The following MECR variants were observed in gnomAD, a reference collection of about 807,000 sequenced individuals.
The protein encoded by MECR is mitochondrial trans-2-enoyl-CoA reductase.
In MECR, 37 loss-of-function variants were observed where a neutral mutation model predicts 49.1. That is an observed-to-expected ratio of 0.75 (90% confidence interval 0.58 to 0.99). The LOEUF (loss-of-function observed/expected upper bound fraction) is 0.99. Ranked by LOEUF, MECR falls within the 50% of genes least tolerant of loss-of-function variation. The pLI is 0.00. For synonymous variants in MECR, 198 were observed against 191.1 expected (o/e 1.04, Z -0.30); for missense variants, 470 against 479.6 (o/e 0.98, Z 0.19).
At chr1:29,185,366 A>G in the MECR span, among the ~76,000 whole-genome samples, 1 of 152,086 alleles carries the variant, frequency 6.6e-6, no homozygotes, top group Non-Finnish European at 1.5e-5. Flanking sequence ...CTCCTGCCTC[A>G]GCCTCCTGAG....
At chr1:29,181,995 G>C in the MECR span, 3 of 351,136 alleles carry the variant, frequency 8.5e-6, no homozygotes, top group African/African-American at 6.5e-5. Flanking sequence ...GGCCAGGACT[G>C]GGGGAGGAGC....
rs1183556936 is a variant in MECR, at chr1:29,192,869, C to T, written c.*1153G>A. On this transcript the variant is annotated 3_prime_UTR_variant, in exon 10 of 10. Transcript: ENST00000263702. ...CACATATCTTCTTTACAGCATTAGT[C>T]ACTATGGTAATTACTGTGAGATTGT... 6.6e-6 allele frequency: 1 copy of T among 152,054 alleles called. No individual in the cohort carries two copies. Among genetic ancestry groups the T allele is most frequent in the Non-Finnish European group, 1.5e-5 (1 of 68,016 alleles). The allele number at this position is 152,054 out of a possible 1,614,324, so 9.4% of individuals were successfully genotyped here. A position where few individuals can be genotyped will look rare whatever the true frequency, so the allele number is the denominator to read the frequency against.
chr1:29,220,405 GA>G lies in MECR; in HGVS notation c.177-3721del, dbSNP rs1262054402. Among the ~76,000 whole-genome samples the G allele has an allele frequency of 5.3e-5, 8 of 151,718 alleles. No individual in the cohort carries two copies. In the South Asian group the frequency reaches 1.0e-3, roughly 20 times the overall value. ...GACAAAGTGGGACTCCGTCTCAAAA[GA>G]AAAAAAAGTGCCAGTCATTTAGGAA... is the stretch of plus-strand genomic sequence containing the variant. On this transcript the variant is annotated intron_variant, in intron 1 of 9. Transcript: ENST00000263702.
At chr1:29,214,061 CTTTTTTT>C (rs1200557418) in intron 3 of MECR, among the ~76,000 whole-genome samples, 5,479 of 138,524 alleles carry the variant, frequency 0.04, 122 homozygotes, top group Non-Finnish European at 0.06. Flanking sequence ...AATCAACTTT[CTTTTTTT>C]TTTTTTTTTT....
In MECR at chr1:29,200,502, C is replaced by G; in HGVS notation, c.830+14G>C. 1 of 1,610,862 alleles carries G rather than the reference C, an allele frequency of 6.2e-7. No individual in the cohort carries two copies. Among genetic ancestry groups the G allele is most frequent in the South Asian group, 1.1e-5 (1 of 90,948 alleles). ...AGCTCTGGCGAGCTGGACCTGCAGG[C>G]CCAAGGGACTTACGCTAACTGCCGC... On this transcript the variant is annotated intron_variant, in intron 7 of 9. Transcript: ENST00000263702.
chr1:29,189,397 G>GC (rs1228106316), downstream of MECR, among the ~76,000 whole-genome samples: 1 of 66,214 alleles, frequency 1.5e-5, no homozygotes, highest in East Asian at 2.3e-4. Flanking sequence ...GAGATGGGTT[G>GC]GGGGGGGGTC....
At chr1:29,172,529 T>G in the MECR span, 1 of 152,152 alleles carries the variant, frequency 6.6e-6, no homozygotes, top group African/African-American at 2.4e-5. Flanking sequence ...TGACCTCAGG[T>G]GATCCGCCCG....
intron 4 of MECR, among the ~76,000 whole-genome samples, chr1:29,204,188 C>T (rs1675996662): frequency 1.3e-5 from 2 of 152,048 alleles, no homozygotes; most frequent in African/African-American, 4.8e-5. Flanking sequence ...CACTGTACTC[C>T]AGCCTGGGTG....
At chr1:29,171,018 G>T in the MECR span, 1 of 152,216 alleles carries the variant, frequency 6.6e-6, no homozygotes. Flanking sequence ...CAAACTATGG[G>T]CATACAAATT....
intron 4 of MECR, among the ~76,000 whole-genome samples, chr1:29,203,727 C>T (rs985142717): frequency 6.6e-6 from 1 of 152,240 alleles, no homozygotes; most frequent in African/African-American, 2.4e-5. Context: ...GCACATACCA[C>T]GGTCTGCCCC....
At position 29,193,799 on chromosome 1, in the gene MECR, G is replaced by C. The variant is rs528665448; in HGVS notation, c.*223C>G. Reference sequence around the variant, plus strand: ...CCAGTGCACAGTGTTGGTCCTTCTCGACAGGGATGACTTCTACTTTTTGGA... The same window carrying C: ...CCAGTGCACAGTGTTGGTCCTTCTCCACAGGGATGACTTCTACTTTTTGGA... On this transcript the variant is annotated 3_prime_UTR_variant, in exon 10 of 10. Coordinates refer to ENST00000263702, the MANE Select transcript of MECR (RefSeq NM_016011.5). The C allele has an allele frequency of 4.2e-4, 232 of 556,118 alleles. No individual in the cohort carries two copies. The highest frequency in any genetic ancestry group is 3.1e-3 in the African/African-American group (162 of 52,852). The allele number at this position is 556,118 out of a possible 1,614,324, so 34.4% of individuals were successfully genotyped here. A position where few individuals can be genotyped will look rare whatever the true frequency, so the allele number is the denominator to read the frequency against.
chr1:29,196,876 A>G (rs187611545), intron 7 of MECR, among the ~76,000 whole-genome samples: 6 of 152,042 alleles, frequency 3.9e-5, no homozygotes, highest in Non-Finnish European at 5.9e-5. Context: ...GGGCACGGTG[A>G]TACATGCCTG....
At chr1:29,190,940 A>G (rs1450742528), downstream of MECR, among the ~76,000 whole-genome samples, 2 of 152,112 alleles carry the variant, frequency 1.3e-5, no homozygotes, top group East Asian at 3.8e-4. Context: ...ACCCACCTAA[A>G]AGTTGTAGGT....
chr1:29,185,889 TG>T, the MECR span, among the ~76,000 whole-genome samples: 13 of 152,102 alleles, frequency 8.5e-5, no homozygotes, highest in Admixed American at 6.6e-4. Flanking sequence ...GAGGCTGAGA[TG>T]GGGGGGATCT....
chr1:29,207,050 AAAG>A (rs1218943616), intron 3 of MECR, 145 bp from the exon 4 acceptor site: 1 of 817,840 alleles, frequency 1.2e-6, no homozygotes, highest in South Asian at 1.8e-5. Context: ...ATGTTTAGAA[AAAG>A]AAGAAAATCT....
Position 29,193,726 on chromosome 1 carries a change from A to G in MECR, c.*296T>C, listed in dbSNP as rs1673303777. ...TGGTCAGAAAATGATTACTGGGGGA[A>G]CACATGACAGAAAAGCAGGAAGGGG... On this transcript the variant is annotated 3_prime_UTR_variant, in exon 10 of 10. Coordinates refer to ENST00000263702, the MANE Select transcript of MECR (RefSeq NM_016011.5). 3 of 324,068 alleles carry G rather than the reference A, an allele frequency of 9.3e-6. No individual in the cohort carries two copies. The allele number at this position is 324,068 out of a possible 1,614,324, so 20.1% of individuals were successfully genotyped here.
In MECR at chr1:29,201,858, C is replaced by T; in HGVS notation, c.756+85G>A. 1.7e-6 allele frequency: 2 copies of T among 1,157,118 alleles called. No individual in the cohort carries two copies. The highest frequency in any genetic ancestry group is 2.6e-6 in the Non-Finnish European group (2 of 771,534). 71.7% of individuals were successfully genotyped at this position (1,157,118 alleles called of 1,614,324 possible). ...GGTTTCCAGAGAGGAACAATGGGGCCAGTCCCCAGTTTCTCTAATGCATGT... is the reference window on the plus strand; with the variant it reads ...GGTTTCCAGAGAGGAACAATGGGGCTAGTCCCCAGTTTCTCTAATGCATGT... On this transcript the variant is annotated intron_variant, in intron 6 of 9. Transcript: ENST00000263702. The surrounding 1 kb of genome is among the most constrained non-coding windows in gnomAD (Gnocchi z 4.3).
At chr1:29,215,228 T>C (rs1031369360) in intron 3 of MECR, among the ~76,000 whole-genome samples, 3 of 152,200 alleles carry the variant, frequency 2.0e-5, no homozygotes, top group Non-Finnish European at 2.9e-5. Flanking sequence ...CTCACCTTTG[T>C]GTCTTTCCTC....
Position 29,193,899 on chromosome 1 carries a change from T to C in MECR, c.*123A>G. The C allele has an allele frequency of 8.1e-7, 1 of 1,227,576 alleles. No individual in the cohort carries two copies. The highest frequency in any genetic ancestry group is 1.1e-6 in the Non-Finnish European group (1 of 878,846). The allele number at this position is 1,227,576 out of a possible 1,614,324, so 76.0% of individuals were successfully genotyped here. A position where few individuals can be genotyped will look rare whatever the true frequency, so the allele number is the denominator to read the frequency against. ...ACCGTGGCTGGCTTCACCATCCTCC[T>C]AATAGGAAGAGGCAGTGAGGAGAAC... On this transcript the variant is annotated 3_prime_UTR_variant, in exon 10 of 10. Coordinates refer to ENST00000263702, the MANE Select transcript of MECR (RefSeq NM_016011.5).
Sources: allele counts gnomAD v4.1 joint callset (sites outside exome capture counted in the v4.1 genomes callset), GRCh38; gene constraint gnomAD v4.1.1; non-coding constraint Gnocchi (gnomAD v3.1); transcripts MANE v1.5; gene names NCBI Gene and HGNC (gene_info 2026-07-23, HGNC 2026-07-21).